DGKI: variants seen among roughly 807,000 people sequenced by gnomAD.
DGKI encodes DAG kinase iota.
A neutral mutation model predicts 147.5 loss-of-function variants in DGKI; 55 were observed. The ratio of observed to expected loss-of-function variants is 0.37; its 90% CI spans 0.30 to 0.47. DGKI has a LOEUF of 0.47. Among genes scored for constraint, DGKI ranks in the 20% least tolerant of loss-of-function variants. The pLI is 1.00. For missense variants in DGKI, 1,007 were observed against 1,323.8 expected (o/e 0.76, Z 3.71); for synonymous variants, 469 against 477.1 (o/e 0.98, Z 0.22).
chr7:137,389,905 G>A lies in DGKI; in HGVS notation c.*1315C>T, dbSNP rs1362799566. The A allele has an allele frequency of 6.6e-6, 1 of 152,164 alleles. No homozygotes were observed. The highest frequency in any genetic ancestry group is 2.4e-5 in the African/African-American group (1 of 41,454). 9.4% of individuals were successfully genotyped at this position (152,164 alleles called of 1,614,324 possible). The stretch of plus-strand genomic sequence containing the variant: ...CATAGAAAATGGGGTTATTAAGTAC[G>A]ACCTTTGGACCTGACAAATAATAGT... On this transcript the variant is annotated 3_prime_UTR_variant, in exon 33 of 33. Transcript: ENST00000614521.
chr7:137,638,776 A>G (rs1821513929), intron 6 of DGKI, among the ~76,000 whole-genome samples: 1 of 150,318 alleles, frequency 6.7e-6, no homozygotes, highest in South Asian at 2.1e-4. Context: ...TTTTATACAG[A>G]GATATTTATT....
At chr7:137,581,965 G>A (rs755453422) in intron 14 of DGKI, 37 bp from the exon 15 acceptor site, 9 of 1,548,970 alleles carry the variant, frequency 5.8e-6, no homozygotes, top group Non-Finnish European at 8.0e-6. Context: ...AAAATTTTGT[G>A]TGGCCAGGCA....
chr7:137,538,956 G>A (rs565280254), intron 20 of DGKI, among the ~76,000 whole-genome samples: 1 of 152,272 alleles, frequency 6.6e-6, no homozygotes, highest in African/African-American at 2.4e-5. Context: ...ACCAGGAGCA[G>A]AGAGAAAGAG....
chr7:137,750,209 G>C (rs757448887), intron 1 of DGKI, among the ~76,000 whole-genome samples: 2 of 152,192 alleles, frequency 1.3e-5, no homozygotes, highest in African/African-American at 2.4e-5. Context: ...AACAAGAAAG[G>C]ACTCGGCTGC....
chr7:137,527,615 T>G (rs117203329), intron 20 of DGKI, among the ~76,000 whole-genome samples: 3,379 of 152,280 alleles, frequency 0.022, 63 homozygotes, highest in Non-Finnish European at 0.032. Context: ...CATTAACATT[T>G]CTTAGTTCAG....
intron 28 of DGKI, among the ~76,000 whole-genome samples, chr7:137,434,607 G>T (rs1019117222): frequency 2.0e-5 from 3 of 151,832 alleles, no homozygotes; most frequent in Non-Finnish European, 4.4e-5. Context: ...AAACAAAAAA[G>T]AGTATTCCCT....
intron 1 of DGKI, among the ~76,000 whole-genome samples, chr7:137,840,528 GCTA>G (rs1798515199): frequency 6.6e-6 from 1 of 152,216 alleles, no homozygotes; most frequent in Non-Finnish European, 1.5e-5. Context: ...GCTAATTAGT[GCTA>G]CTCAGAAGGC....
chr7:137,572,442 T>A (rs1818826053), intron 18 of DGKI, among the ~76,000 whole-genome samples: 1 of 152,262 alleles, frequency 6.6e-6, no homozygotes, highest in South Asian at 2.1e-4. Context: ...GTGTTTCAAT[T>A]CTCTCATTCT....
chr7:137,647,497 T>C (rs1821869068), intron 5 of DGKI, among the ~76,000 whole-genome samples: 1 of 152,244 alleles, frequency 6.6e-6, no homozygotes, highest in Non-Finnish European at 1.5e-5. Flanking sequence ...AATCTCAGAA[T>C]GCTGGGCTGG....
At chr7:137,753,374 G>C (rs186124583) in intron 1 of DGKI, among the ~76,000 whole-genome samples, 8 of 152,340 alleles carry the variant, frequency 5.3e-5, no homozygotes, top group African/African-American at 1.9e-4. Context: ...ATCCCTGGGA[G>C]AGTCTGCCAG....
At chr7:137,669,704 T>C (rs1157378940) in intron 3 of DGKI, among the ~76,000 whole-genome samples, 1 of 152,158 alleles carries the variant, frequency 6.6e-6, no homozygotes. Context: ...TTTGGCTTAA[T>C]GAAAGTTTAG....
chr7:137,704,945 GA>G (rs1793964179), intron 1 of DGKI, among the ~76,000 whole-genome samples: 1 of 152,132 alleles, frequency 6.6e-6, no homozygotes, highest in South Asian at 2.1e-4. Flanking sequence ...AATCAAAAAT[GA>G]AGAAAGAAAT....
chr7:137,741,385 G>A (rs755169015), intron 1 of DGKI, among the ~76,000 whole-genome samples: 2 of 152,216 alleles, frequency 1.3e-5, no homozygotes, highest in Non-Finnish European at 2.9e-5. Context: ...GTGAAGTGCT[G>A]AGGTTTGAAA....
intron 30 of DGKI, among the ~76,000 whole-genome samples, 154 bp from the exon 31 acceptor site, chr7:137,397,567 C>G (rs1811599737): frequency 6.6e-6 from 1 of 152,158 alleles, no homozygotes; most frequent in South Asian, 2.1e-4. Flanking sequence ...ATTCCTCTAC[C>G]TCCTCATCAC....
intron 1 of DGKI, among the ~76,000 whole-genome samples, chr7:137,741,224 T>G (rs574064149): frequency 3.3e-5 from 5 of 152,204 alleles, no homozygotes; most frequent in African/African-American, 1.2e-4. Context: ...ATCTTCTTGA[T>G]TTTAATTAGT....
chr7:137,527,541 T>C (rs1415829574), intron 20 of DGKI, among the ~76,000 whole-genome samples: 1 of 152,218 alleles, frequency 6.6e-6, no homozygotes, highest in East Asian at 1.9e-4. Context: ...TAACTCATGT[T>C]GAGACAAGAT....
chr7:137,838,147 T>G (rs1798442240), intron 1 of DGKI, among the ~76,000 whole-genome samples: 1 of 151,740 alleles, frequency 6.6e-6, no homozygotes, highest in Admixed American at 6.6e-5. Flanking sequence ...GGACTACAAG[T>G]GTGCACCACC....
At chr7:137,499,132 C>T (rs1816079248) in intron 21 of DGKI, among the ~76,000 whole-genome samples, 1 of 152,098 alleles carries the variant, frequency 6.6e-6, no homozygotes, top group Non-Finnish European at 1.5e-5. Flanking sequence ...TTTTTCAAAA[C>T]CACTCAATAT....
intron 9 of DGKI, 80 bp from the exon 10 acceptor site, chr7:137,609,144 A>ACCACCACTACCAT: frequency 9.6e-7 from 1 of 1,040,738 alleles, no homozygotes; most frequent in African/African-American, 1.6e-5. Flanking sequence ...GTGGAAAACC[A>ACCACCACTACCAT]CCCAATAATA....
Sources: gnomAD v4.1 joint callset for allele counts (sites outside exome capture counted in the v4.1 genomes callset) on GRCh38, gnomAD v4.1.1 for gene constraint, MANE v1.5 for transcripts, NCBI Gene and HGNC (gene_info 2026-07-23, HGNC 2026-07-21) for gene names.